The following CHN2 variants were observed in gnomAD, a reference collection of about 807,000 sequenced individuals.
CHN2 encodes chimerin 2.
A neutral mutation model predicts 56.3 loss-of-function variants in CHN2; 35 were observed. The observed-to-expected ratio is 0.62, with a 90% CI of 0.47 to 0.82. CHN2 has a LOEUF of 0.82. Ranked by LOEUF, CHN2 falls within the 40% of genes least tolerant of loss-of-function variation. The pLI is 0.00. For synonymous variants in CHN2, 210 were observed against 212.8 expected (o/e 0.99, Z 0.12); for missense variants, 491 against 580.5 (o/e 0.85, Z 1.58).
intron 2 of CHN2, among the ~76,000 whole-genome samples, chr7:29,189,406 C>T (rs1799123373): frequency 6.6e-6 from 1 of 152,034 alleles, no homozygotes; most frequent in South Asian, 2.1e-4. Flanking sequence ...AGCAAATTTT[C>T]ATAGAAAAAG....
chr7:29,433,859 AAGGGAG>A (rs1332316302), intron 6 of CHN2, among the ~76,000 whole-genome samples: 1 of 136,774 alleles, frequency 7.3e-6, no homozygotes, highest in African/African-American at 2.8e-5. Context: ...AAAAGGAAGG[AAGGGAG>A]AGGGGGAGGA....
intron 1 of CHN2, among the ~76,000 whole-genome samples, chr7:29,227,529 C>A (rs918287103): frequency 6.6e-6 from 1 of 152,184 alleles, no homozygotes; most frequent in Non-Finnish European, 1.5e-5. Context: ...TCGCCCAGAA[C>A]CTCAGGGATT....
intron 1 of CHN2, among the ~76,000 whole-genome samples, chr7:29,293,630 C>T (rs112058262): frequency 0.011 from 1,646 of 152,218 alleles, 32 homozygotes; most frequent in African/African-American, 0.038. Context: ...TTCAGGGCCT[C>T]CGAACTTGCT....
intron 1 of CHN2, among the ~76,000 whole-genome samples, chr7:29,215,652 G>A (rs1309467811): frequency 6.6e-6 from 1 of 151,914 alleles, no homozygotes; most frequent in Non-Finnish European, 1.5e-5. Flanking sequence ...CCAGGGCAAG[G>A]ATTTGCTTCT....
At chr7:29,499,562 T>C (rs62457802) in intron 8 of CHN2, among the ~76,000 whole-genome samples, 14,243 of 152,238 alleles carry the variant, frequency 0.094, 720 homozygotes, top group Admixed American at 0.14. Context: ...CCCAAAGGGT[T>C]CCAGCCTGAA....
At chr7:29,176,108 C>A (rs528449271) in intron 2 of CHN2, among the ~76,000 whole-genome samples, 13 of 151,898 alleles carry the variant, frequency 8.6e-5, no homozygotes, top group Admixed American at 7.9e-4. Context: ...ATGGTGTGAA[C>A]CTGGGAGGCG....
intron 3 of CHN2, among the ~76,000 whole-genome samples, chr7:29,372,565 A>G (rs1799703473): frequency 6.6e-6 from 1 of 152,218 alleles, no homozygotes. Context: ...TAGCCAAGCA[A>G]CAGTGGGGAA....
intron 2 of CHN2, among the ~76,000 whole-genome samples, chr7:29,162,759 T>C (rs1306167276): frequency 6.6e-6 from 1 of 150,620 alleles, no homozygotes; most frequent in Non-Finnish European, 1.5e-5. Flanking sequence ...ATTCTTAAAA[T>C]GACAAAGTTG....
At chr7:29,212,135 G>C (rs552706157) in intron 1 of CHN2, among the ~76,000 whole-genome samples, 1 of 152,286 alleles carries the variant, frequency 6.6e-6, no homozygotes, top group East Asian at 1.9e-4. Context: ...GACTGAGCTA[G>C]TTACCTCCTG....
chr7:29,480,790 T>C (rs1384532896), intron 7 of CHN2, among the ~76,000 whole-genome samples: 2 of 152,236 alleles, frequency 1.3e-5, no homozygotes, highest in African/African-American at 4.8e-5. Flanking sequence ...TTGTTTTCAG[T>C]GATGCTAACT....
intron 6 of CHN2, among the ~76,000 whole-genome samples, chr7:29,438,690 C>T (rs1226145751): frequency 1.3e-5 from 2 of 152,192 alleles, no homozygotes; most frequent in Non-Finnish European, 2.9e-5. Flanking sequence ...AACCTCTTTC[C>T]TCTCCTCTTA....
intron 6 of CHN2, among the ~76,000 whole-genome samples, chr7:29,443,525 A>G (rs4722906): frequency 0.93 from 141,665 of 151,860 alleles, 66,195 homozygotes; most frequent in African/African-American, 0.98. Context: ...GTGTGTGTGT[A>G]TATATACACA....
chr7:29,162,712 C>G (rs56997419), intron 2 of CHN2, among the ~76,000 whole-genome samples: 1 of 150,898 alleles, frequency 6.6e-6, no homozygotes, highest in African/African-American at 2.4e-5. Flanking sequence ...AAGCCAGTCT[C>G]GAAGGATTAC....
chr7:29,434,703 A>G (rs1783096270), intron 6 of CHN2, among the ~76,000 whole-genome samples: 2 of 152,224 alleles, frequency 1.3e-5, no homozygotes, highest in Middle Eastern at 3.2e-3. Context: ...CCATAGTCGC[A>G]GGTACTGGGG....
At chr7:29,364,198 A>G (rs773829658) in intron 2 of CHN2, among the ~76,000 whole-genome samples, 5 of 152,236 alleles carry the variant, frequency 3.3e-5, no homozygotes, top group Non-Finnish European at 5.9e-5. Flanking sequence ...GACACATGGC[A>G]GGCACTTGGT....
rs745454466 is a variant in CHN2, at chr7:29,509,386, C to T, written c.1215C>T (p.Tyr405=). 1.2e-6 allele frequency: 2 copies of T among 1,613,730 alleles called. No homozygotes were observed. Among genetic ancestry groups the T allele is most frequent in the Non-Finnish European group, 1.7e-6 (2 of 1,179,666 alleles). Residue 405 remains tyrosine, a synonymous_variant, in exon 12 of 13, where the codon TAC becomes TAT. Coordinates refer to ENST00000222792, the MANE Select transcript of CHN2 (RefSeq NM_004067.4). ...LPPAHYETLR[Y]LMIHLKKVTM... ...CTGCCCACTATGAAACCCTCCGGTA[C>T]CTAATGATCCACCTCAAAAAGTAAG...
chr7:29,495,074 AT>A (rs1248025074), intron 7 of CHN2, among the ~76,000 whole-genome samples: 7 of 151,254 alleles, frequency 4.6e-5, no homozygotes, highest in Non-Finnish European at 1.0e-4. Flanking sequence ...AATTCGGGAC[AT>A]TTTTGTGCAC....
chr7:29,178,616 A>T (rs1297515289), intron 2 of CHN2, among the ~76,000 whole-genome samples: 4 of 152,102 alleles, frequency 2.6e-5, no homozygotes, highest in Non-Finnish European at 5.9e-5. Context: ...TAAAAAAAGC[A>T]GTTCATTGTC....
chr7:29,361,469 G>C (rs1407764847), intron 2 of CHN2, among the ~76,000 whole-genome samples: 1 of 152,122 alleles, frequency 6.6e-6, no homozygotes, highest in Non-Finnish European at 1.5e-5. Context: ...CATAGAACAG[G>C]GTTTTGCAGA....
Sources: allele counts gnomAD v4.1 joint callset (sites outside exome capture counted in the v4.1 genomes callset), GRCh38; gene constraint gnomAD v4.1.1; transcripts MANE v1.5; gene names NCBI Gene and HGNC (gene_info 2026-07-23, HGNC 2026-07-21).